The following IGF1R variants were observed in gnomAD, a reference collection of about 807,000 sequenced individuals.
The protein encoded by IGF1R is insulin like growth factor 1 receptor.
In IGF1R, 44 loss-of-function variants were observed where a neutral mutation model predicts 144.6. That is an observed-to-expected ratio of 0.30 (90% CI 0.24 to 0.39). IGF1R has a LOEUF of 0.39. Among genes scored for constraint, IGF1R ranks in the 10% least tolerant of loss-of-function variants. The pLI is 1.00. For missense variants in IGF1R, 1,355 were observed against 1,833.7 expected (o/e 0.74, Z 4.77); for synonymous variants, 795 against 722.8 (o/e 1.10, Z -1.60).
chr15:98,791,992 T>C (rs2056138384), intron 2 of IGF1R, among the ~76,000 whole-genome samples: 1 of 152,196 alleles, frequency 6.6e-6, no homozygotes, highest in African/African-American at 2.4e-5. Context: ...AGGATCAGAA[T>C]GGTGGCTCAG....
intron 2 of IGF1R, among the ~76,000 whole-genome samples, chr15:98,863,288 C>T (rs555372661): frequency 5.9e-5 from 9 of 152,042 alleles, no homozygotes; most frequent in Middle Eastern, 3.2e-3. Flanking sequence ...TGTTTCCTTT[C>T]CTGGTGCTGT....
At chr15:98,665,682 G>A (rs569728322) in intron 1 of IGF1R, among the ~76,000 whole-genome samples, 1 of 152,320 alleles carries the variant, frequency 6.6e-6, no homozygotes, top group African/African-American at 2.4e-5. Context: ...GAGAACCTGT[G>A]CCCTTTGTGC....
intron 9 of IGF1R, 105 bp from the exon 10 acceptor site, chr15:98,916,567 C>A: frequency 9.6e-7 from 1 of 1,045,508 alleles, no homozygotes; most frequent in Non-Finnish European, 1.5e-6. Flanking sequence ...TGGCCGAGAC[C>A]AGCTATCTTC....
At chr15:98,907,451 G>A (rs373998121) in intron 5 of IGF1R, among the ~76,000 whole-genome samples, 11 of 152,302 alleles carry the variant, frequency 7.2e-5, no homozygotes, top group African/African-American at 2.6e-4. Flanking sequence ...TTTCTCCTTT[G>A]TGTGTTTATA....
intron 2 of IGF1R, among the ~76,000 whole-genome samples, chr15:98,871,782 G>A (rs774324027): frequency 2.8e-4 from 43 of 152,316 alleles, no homozygotes; most frequent in Middle Eastern, 6.8e-3. Flanking sequence ...GTTAGCTCCC[G>A]GCGGGTCCCT....
chr15:98,744,087 C>T (rs778701909), intron 2 of IGF1R, among the ~76,000 whole-genome samples: 1 of 151,846 alleles, frequency 6.6e-6, no homozygotes, highest in African/African-American at 2.4e-5. Flanking sequence ...GGACTGGTGC[C>T]GAGAAGGAAT....
chr15:98,962,817 A>G lies in IGF1R; in HGVS notation c.*5375A>G. On this transcript the variant is annotated 3_prime_UTR_variant, in exon 21 of 21. Coordinates refer to ENST00000650285, the MANE Select transcript of IGF1R (RefSeq NM_000875.5). Reference sequence around the variant, plus strand: ...TTTCAACAAAGAAACCTAACATCCTACTCTGGAAACTGATCTCGGAGTTAA... The same window carrying G: ...TTTCAACAAAGAAACCTAACATCCTGCTCTGGAAACTGATCTCGGAGTTAA... 1 of 233,624 alleles carries G rather than the reference A, an allele frequency of 4.3e-6. No individual in the cohort carries two copies. 14.5% of individuals were successfully genotyped at this position (233,624 alleles called of 1,614,324 possible).
At position 98,707,905 on chromosome 15, in the gene IGF1R, T is replaced by C; in HGVS notation, c.438T>C (p.Asn146=). The C allele has an allele frequency of 3.7e-6, 6 of 1,614,062 alleles. No individual in the cohort carries two copies. Among genetic ancestry groups the C allele is most frequent in the Non-Finnish European group, 5.1e-6 (6 of 1,180,010 alleles). Residue 146 remains asparagine (N), a synonymous_variant, in exon 2 of 21, where the codon AAT becomes AAC. Transcript: ENST00000650285. The surrounding 1 kb of genome is among the most constrained non-coding windows in gnomAD (Gnocchi z 6.7). ...ITRGAIRIEK[N]ADLCYLSTVD... is the part of the protein sequence containing the mutation. The stretch of plus-strand genomic sequence containing the variant: ...GGGGGGCCATCAGGATTGAGAAAAA[T>C]GCTGACCTCTGTTACCTCTCCACTG...
At chr15:98,840,237 A>G (rs1159600120) in intron 2 of IGF1R, among the ~76,000 whole-genome samples, 1 of 152,178 alleles carries the variant, frequency 6.6e-6, no homozygotes, top group African/African-American at 2.4e-5. Flanking sequence ...AGAGCACATG[A>G]TGTGAGAGCC....
At position 98,868,327 on chromosome 15, in the gene IGF1R, C is replaced by CAAAAAAAAAA. The variant is rs55905905; in HGVS notation, c.641-22990_641-22981dup. Among the ~76,000 whole-genome samples, 336 of 49,780 alleles carry CAAAAAAAAAA rather than the reference C, an allele frequency of 6.7e-3. 19 individuals carry two copies. Among genetic ancestry groups the CAAAAAAAAAA allele is most frequent in the Middle Eastern group, 0.036 (1 of 28 alleles). The allele number at this position is 49,780 out of a possible 152,430, so 32.7% of individuals were successfully genotyped here. On this transcript the variant is annotated intron_variant, in intron 2 of 20. Transcript: ENST00000650285. ...GGACAACAGAGTAAGACCTTGTCTC[C>CAAAAAAAAAA]AAAAAAAAAAAAAAAAAGCCAAATC...
intron 2 of IGF1R, among the ~76,000 whole-genome samples, chr15:98,881,251 T>G (rs1475863792): frequency 6.6e-6 from 1 of 152,162 alleles, no homozygotes; most frequent in Non-Finnish European, 1.5e-5. Flanking sequence ...GGATACATGC[T>G]TAAATGGAAA....
At chr15:98,909,714 G>T (rs140957235) in intron 6 of IGF1R, among the ~76,000 whole-genome samples, 4 of 152,186 alleles carry the variant, frequency 2.6e-5, no homozygotes, top group Non-Finnish European at 4.4e-5. Flanking sequence ...ACACTCGGCC[G>T]CCTTGTTTCT....
chr15:98,819,932 TC>T (rs1457187947), intron 2 of IGF1R, among the ~76,000 whole-genome samples: 1 of 152,154 alleles, frequency 6.6e-6, no homozygotes, highest in Non-Finnish European at 1.5e-5. Flanking sequence ...TCTGGAAACT[TC>T]CACGGCACAC....
At chr15:98,945,611 A>G (rs982056619) in intron 19 of IGF1R, among the ~76,000 whole-genome samples, 2 of 152,084 alleles carry the variant, frequency 1.3e-5, no homozygotes, top group African/African-American at 4.8e-5. Flanking sequence ...GAGGTGTTGC[A>G]TATTTCTCGG....
At chr15:98,674,630 A>G (rs1328667799) in intron 1 of IGF1R, among the ~76,000 whole-genome samples, 1 of 152,240 alleles carries the variant, frequency 6.6e-6, no homozygotes, top group Non-Finnish European at 1.5e-5. Flanking sequence ...GCCGCCAGAC[A>G]CTACAAGTAT....
chr15:98,873,577 T>C (rs942405048), intron 2 of IGF1R: 2 of 152,222 alleles, frequency 1.3e-5, no homozygotes, highest in African/African-American at 4.8e-5. Context: ...TTTGAAAATA[T>C]CGGATTGGGA....
chr15:98,661,687 T>C (rs1436226574), intron 1 of IGF1R, among the ~76,000 whole-genome samples: 1 of 152,164 alleles, frequency 6.6e-6, no homozygotes, highest in East Asian at 1.9e-4. Context: ...CTCCCACGCA[T>C]GGAGGCATGT....
At chr15:98,897,005 CT>C in intron 4 of IGF1R, 100 bp downstream of exon 4, 1 of 1,106,050 alleles carries the variant, frequency 9.0e-7, no homozygotes, top group Non-Finnish European at 1.4e-6. Context: ...AAAATATGGG[CT>C]TAGATAAACA....
intron 11 of IGF1R, 31 bp downstream of exon 11, chr15:98,922,462 A>G: frequency 6.2e-7 from 1 of 1,601,670 alleles, no homozygotes; most frequent in Non-Finnish European, 8.5e-7. Context: ...CCCCATTGCC[A>G]CCTTCCTCAC....
Sources: allele counts gnomAD v4.1 joint callset (sites outside exome capture counted in the v4.1 genomes callset), GRCh38; gene constraint gnomAD v4.1.1; non-coding constraint Gnocchi (gnomAD v3.1); transcripts MANE v1.5; gene names NCBI Gene and HGNC (gene_info 2026-07-23, HGNC 2026-07-21).